The following DLGAP1 variants were observed in gnomAD, a reference collection of about 807,000 sequenced individuals.
DLGAP1 encodes disks large-associated protein 1.
DLGAP1 carries 11 observed loss-of-function variants against 90.8 expected under a neutral mutation model. The observed-to-expected ratio is 0.12, with a 90% CI of 0.08 to 0.20. The LOEUF (loss-of-function observed/expected upper bound fraction) is 0.20. Among genes scored for constraint, DLGAP1 ranks in the 10% least tolerant of loss-of-function variants. The probability of loss-of-function intolerance (pLI) is 1.00; values close to 1 mark genes in which losing one functional copy is unlikely to be tolerated. For synonymous variants in DLGAP1, 558 were observed against 540.7 expected (o/e 1.03, Z -0.44); for missense variants, 1,050 against 1,333.8 (o/e 0.79, Z 3.31).
chr18:3,966,945 A>G (rs1251404589), intron 3 of DLGAP1, among the ~76,000 whole-genome samples: 1 of 152,160 alleles, frequency 6.6e-6, no homozygotes, highest in African/African-American at 2.4e-5. Context: ...GGGGCATTCA[A>G]TGTTCTGAGG....
chr18:4,229,771 C>A (rs545145628), intron 1 of DLGAP1, among the ~76,000 whole-genome samples: 1 of 152,096 alleles, frequency 6.6e-6, no homozygotes, highest in South Asian at 2.1e-4. Flanking sequence ...AAAGCACAGG[C>A]AACCAAAGCC....
At chr18:4,192,929 T>A (rs2077428456) in intron 1 of DLGAP1, among the ~76,000 whole-genome samples, 1 of 152,230 alleles carries the variant, frequency 6.6e-6, no homozygotes, top group Non-Finnish European at 1.5e-5. Flanking sequence ...AAGGTACTGA[T>A]AATCCAAATT....
intron 1 of DLGAP1, among the ~76,000 whole-genome samples, chr18:4,346,761 T>C (rs17603200): frequency 0.3 from 45,318 of 152,018 alleles, 7,894 homozygotes; most frequent in South Asian, 0.47. Flanking sequence ...TTTCTGTATA[T>C]CATTTAAGTG....
chr18:4,298,971 C>T (rs1312795489), intron 1 of DLGAP1, among the ~76,000 whole-genome samples: 2 of 151,036 alleles, frequency 1.3e-5, no homozygotes, highest in South Asian at 2.1e-4. Flanking sequence ...GTCCCAGCTA[C>T]TCAGGAGGCT....
At chr18:3,777,348 T>C (rs1216780803) in intron 5 of DLGAP1, among the ~76,000 whole-genome samples, 1 of 152,096 alleles carries the variant, frequency 6.6e-6, no homozygotes, top group African/African-American at 2.4e-5. Context: ...GGGAGAGGCA[T>C]TTCAAAACCA....
At chr18:4,337,784 C>T (rs1390995481) in intron 1 of DLGAP1, among the ~76,000 whole-genome samples, 1 of 152,140 alleles carries the variant, frequency 6.6e-6, no homozygotes, top group South Asian at 2.1e-4. Context: ...AATCAAACCG[C>T]TACTTTTATA....
chr18:4,078,105 A>G (rs1455748233), intron 2 of DLGAP1, among the ~76,000 whole-genome samples: 1 of 152,152 alleles, frequency 6.6e-6, no homozygotes, highest in Admixed American at 6.6e-5. Flanking sequence ...GGTAAAGGGG[A>G]CCTCTTCTCA....
At chr18:3,709,663 A>G (rs1048078745) in intron 7 of DLGAP1, among the ~76,000 whole-genome samples, 4 of 152,242 alleles carry the variant, frequency 2.6e-5, no homozygotes, top group East Asian at 1.9e-4. Flanking sequence ...TGGTATTGAC[A>G]TGAAAAGTCA....
intron 5 of DLGAP1, among the ~76,000 whole-genome samples, chr18:3,810,152 G>T (rs955424777): frequency 2.0e-5 from 3 of 152,134 alleles, no homozygotes; most frequent in African/African-American, 7.2e-5. Flanking sequence ...GAGAGTGACC[G>T]AAATAATAGT....
intron 2 of DLGAP1, among the ~76,000 whole-genome samples, chr18:4,039,120 A>G (rs2074935967): frequency 6.6e-6 from 1 of 152,232 alleles, no homozygotes; most frequent in Admixed American, 6.5e-5. Context: ...AAAAAAGTTC[A>G]GCTCAGCTTT....
chr18:4,281,030 T>C (rs1439362729), intron 1 of DLGAP1: 1 of 152,248 alleles, frequency 6.6e-6, no homozygotes, highest in Non-Finnish European at 1.5e-5. Flanking sequence ...AGAAACAGAT[T>C]AATTATGCCT....
intron 1 of DLGAP1, among the ~76,000 whole-genome samples, chr18:4,181,128 T>C (rs1363533622): frequency 6.6e-6 from 1 of 152,230 alleles, no homozygotes; most frequent in East Asian, 1.9e-4. Context: ...ACATCTCTTT[T>C]ATAAAATAGA....
intron 4 of DLGAP1, among the ~76,000 whole-genome samples, chr18:3,877,403 T>A (rs548665339): frequency 1.9e-4 from 29 of 152,350 alleles, no homozygotes; most frequent in African/African-American, 7.0e-4. Context: ...ACTCTGATAC[T>A]TCTCATCTAA....
intron 4 of DLGAP1, among the ~76,000 whole-genome samples, chr18:3,848,574 C>T (rs2069154734): frequency 6.6e-6 from 1 of 152,136 alleles, no homozygotes; most frequent in Non-Finnish European, 1.5e-5. Flanking sequence ...CTCTCCCGCC[C>T]CCATCTCCAC....
At chr18:4,110,034 ATACACAG>A in intron 2 of DLGAP1, among the ~76,000 whole-genome samples, 2 of 127,902 alleles carry the variant, frequency 1.6e-5, no homozygotes, top group Non-Finnish European at 3.3e-5. Context: ...GGATACACAG[ATACACAG>A]TCATGCATTG....
At chr18:4,321,406 AG>A (rs1259787389) in intron 1 of DLGAP1, among the ~76,000 whole-genome samples, 1 of 152,244 alleles carries the variant, frequency 6.6e-6, no homozygotes, top group African/African-American at 2.4e-5. Flanking sequence ...AACAGCTTCA[AG>A]TCTGAGCATG....
intron 2 of DLGAP1, among the ~76,000 whole-genome samples, chr18:4,042,989 C>T (rs536048062): frequency 6.6e-6 from 1 of 152,254 alleles, no homozygotes; most frequent in Non-Finnish European, 1.5e-5. Flanking sequence ...TTTGAATTTA[C>T]TTGAAACAAA....
chr18:4,050,375 T>G (rs972633742), intron 2 of DLGAP1, among the ~76,000 whole-genome samples: 11 of 152,208 alleles, frequency 7.2e-5, no homozygotes, highest in Admixed American at 6.5e-5. Context: ...TGCAAATACT[T>G]TTATTTACAG....
At chr18:3,882,804 A>C (rs2071210116) in intron 3 of DLGAP1, among the ~76,000 whole-genome samples, 1 of 152,162 alleles carries the variant, frequency 6.6e-6, no homozygotes, top group Non-Finnish European at 1.5e-5. Flanking sequence ...GTTCCTTCTG[A>C]CAGCCTGATT....
Sources: gnomAD v4.1 joint callset for allele counts (sites outside exome capture counted in the v4.1 genomes callset) on GRCh38, gnomAD v4.1.1 for gene constraint, MANE v1.5 for transcripts, NCBI Gene and HGNC (gene_info 2026-07-23, HGNC 2026-07-21) for gene names.